TP63: variants seen among roughly 807,000 people sequenced by gnomAD.
TP63 encodes tumor protein p63, also known as tumor protein 63.
Under a neutral mutation model 82.8 loss-of-function variants are expected in TP63, and 17 were observed. The ratio of observed to expected loss-of-function variants is 0.21; its 90% CI spans 0.14 to 0.31. TP63 has a LOEUF of 0.31. Among genes scored for constraint, TP63 ranks in the 10% least tolerant of loss-of-function variants. TP63 has a pLI of 1.00. For missense variants in TP63, 648 were observed against 895.3 expected (o/e 0.72, Z 3.52); for synonymous variants, 330 against 321.7 (o/e 1.03, Z -0.28).
At chr3:189,643,473 A>G (rs1712113556) in intron 1 of TP63, among the ~76,000 whole-genome samples, 1 of 146,006 alleles carries the variant, frequency 6.8e-6, no homozygotes, top group Non-Finnish European at 1.5e-5. Context: ...AAAAACCCTC[A>G]ATGCTTTTGC....
intron 3 of TP63, among the ~76,000 whole-genome samples, chr3:189,743,869 C>T (rs1199771394): frequency 6.6e-6 from 1 of 152,136 alleles, no homozygotes; most frequent in South Asian, 2.1e-4. Context: ...ACATTACCAC[C>T]ACAGACTCCT....
chr3:189,789,354 C>CGTG (rs1228374601), intron 3 of TP63, among the ~76,000 whole-genome samples: 1 of 151,884 alleles, frequency 6.6e-6, no homozygotes, highest in Non-Finnish European at 1.5e-5. Context: ...TTCTGTAAAT[C>CGTG]GTGGTGGTGG....
Position 189,866,666 on chromosome 3 carries a change from G to A in TP63, c.767-16G>A. 6.2e-7 allele frequency: 1 copy of A among 1,608,968 alleles called. No homozygotes were observed. The highest frequency in any genetic ancestry group is 1.1e-5 in the South Asian group (1 of 90,916). On this transcript the variant is annotated splice_polypyrimidine_tract_variant and intron_variant, in intron 5 of 13. Transcript: ENST00000264731. ...AAGGTAAAGAACTAACTCTTTTATT[G>A]TTTTCTGCTCTGCAGGACAGATTGC...
intron 3 of TP63, among the ~76,000 whole-genome samples, chr3:189,774,527 G>A (rs933828282): frequency 2.0e-5 from 3 of 152,160 alleles, no homozygotes; most frequent in Non-Finnish European, 2.9e-5. Flanking sequence ...CTTGCAGTAA[G>A]TAGAACATAA....
In TP63 at chr3:189,889,363, C is replaced by A. The variant is rs148076109; in HGVS notation, c.1531C>A (p.Pro511Thr). 3.3e-3 allele frequency: 5,353 copies of A among 1,614,168 alleles called. 19 individuals are homozygous for A. Among genetic ancestry groups the A allele is most frequent in the Middle Eastern group, 0.02 (119 of 6,062 alleles). Reference protein sequence around the residue: ...ANIPMMGTHMPMAGDMNGLSP... With the variant: ...ANIPMMGTHMTMAGDMNGLSP... ...AGTTCCCATGATGGGCACCCACATG[C>A]CAATGGCTGGAGACATGAATGGACT... Residue 511 changes from proline to threonine, a missense_variant, in exon 12 of 14, where the codon CCA becomes ACA. Physicochemically the swap from Pro to Thr is conservative, Grantham distance 38 (BLOSUM62 -1). This residue lies in a region of TP63 where 342 missense variants were observed against 425.7 expected (regional missense o/e 0.80). Transcript: ENST00000264731.
chr3:189,827,688 T>C (rs1170700081), intron 4 of TP63, among the ~76,000 whole-genome samples: 1 of 152,150 alleles, frequency 6.6e-6, no homozygotes, highest in East Asian at 1.9e-4. Flanking sequence ...TTGGTATACC[T>C]GGACCATAGA....
chr3:189,840,351 C>G (rs931586321), intron 4 of TP63, among the ~76,000 whole-genome samples: 1 of 36,094 alleles, frequency 2.8e-5, no homozygotes, highest in African/African-American at 1.1e-4. Context: ...TTCTTTTTTG[C>G]TTTTCGTCTT....
rs527989944 is a variant in TP63 at position 189,795,707 on chromosome 3, T to TTG, written c.325-12564_325-12563dup. 2.8e-3 allele frequency among the ~76,000 whole-genome samples: 424 copies of TTG among 152,140 alleles called. 1 individual carries two copies. Among genetic ancestry groups the TTG allele is most frequent in the African/African-American group, 9.3e-3 (386 of 41,544 alleles). Reference sequence around the variant, plus strand: ...TTGTAGAAATAGCAACAAAAGTTAATTGGAATATTGATCTCACTAAGAGCG... The same window carrying TTG: ...TTGTAGAAATAGCAACAAAAGTTAATTGTGGAATATTGATCTCACTAAGAGCG... On this transcript the variant is annotated intron_variant, in intron 3 of 13. Transcript: ENST00000264731.
intron 1 of TP63, among the ~76,000 whole-genome samples, chr3:189,711,415 G>T (rs1219219240): frequency 1.3e-5 from 2 of 152,134 alleles, no homozygotes; most frequent in African/African-American, 4.8e-5. Flanking sequence ...GTAAGACAAG[G>T]CTGCTAATAC....
intron 4 of TP63, among the ~76,000 whole-genome samples, chr3:189,857,413 A>G (rs1716426783): frequency 6.6e-6 from 1 of 152,218 alleles, no homozygotes; most frequent in Admixed American, 6.5e-5. Flanking sequence ...AGCTAAGACA[A>G]TAAATCTACT....
At chr3:189,682,546 AAAAAAAAATATATATATATATATATAT>A (rs1261950814) in intron 1 of TP63, among the ~76,000 whole-genome samples, 4,890 of 37,794 alleles carry the variant, frequency 0.13, 396 homozygotes, top group African/African-American at 0.26. Context: ...GAAAAAAAAA[AAAAAAAAATATATATATATATATATAT>A]ATATATATAT....
At chr3:189,805,098 A>T (rs901669727) in intron 3 of TP63, among the ~76,000 whole-genome samples, 1 of 152,212 alleles carries the variant, frequency 6.6e-6, no homozygotes, top group African/African-American at 2.4e-5. Flanking sequence ...GACTTTTGAA[A>T]TACAGTTTCT....
intron 4 of TP63, among the ~76,000 whole-genome samples, chr3:189,841,601 C>T (rs927140144): frequency 2.0e-5 from 3 of 152,114 alleles, no homozygotes; most frequent in African/African-American, 7.2e-5. Flanking sequence ...GGAAAGAGAA[C>T]CAATATGTGT....
At chr3:189,857,782 C>T (rs1212869214) in intron 4 of TP63, among the ~76,000 whole-genome samples, 1 of 152,108 alleles carries the variant, frequency 6.6e-6, no homozygotes, top group African/African-American at 2.4e-5. Context: ...AAATGCAAAT[C>T]AAACTACAAT....
intron 1 of TP63, among the ~76,000 whole-genome samples, chr3:189,639,647 G>T (rs1577157645): frequency 6.6e-6 from 1 of 151,982 alleles, no homozygotes; most frequent in African/African-American, 2.4e-5. Context: ...ATTAACTCAG[G>T]CAGATTTTTC....
At chr3:189,716,083 G>T (rs1718936704) in intron 1 of TP63, among the ~76,000 whole-genome samples, 1 of 152,136 alleles carries the variant, frequency 6.6e-6, no homozygotes, top group South Asian at 2.1e-4. Flanking sequence ...CACATATGAG[G>T]AAACTGAGGC....
In TP63 at chr3:189,665,121, C is replaced by T. The variant is rs147145903; in HGVS notation, c.62+33544C>T. On this transcript the variant is annotated intron_variant, in intron 1 of 13. Coordinates refer to ENST00000264731, the MANE Select transcript of TP63 (RefSeq NM_003722.5). ...GTTCTCATTATTTTACACTTACTGCCTTTGCATGGTAAAACGACTCCTTAT... is the reference window on the plus strand; with the variant it reads ...GTTCTCATTATTTTACACTTACTGCTTTTGCATGGTAAAACGACTCCTTAT... 2.1e-4 allele frequency among the ~76,000 whole-genome samples: 32 copies of T among 152,222 alleles called. No individual in the cohort carries two copies. In the East Asian group the frequency reaches 6.2e-3, roughly 29 times the overall value.
chr3:189,807,158 A>G (rs957023616), intron 3 of TP63, among the ~76,000 whole-genome samples: 2 of 152,240 alleles, frequency 1.3e-5, no homozygotes, highest in Admixed American at 1.3e-4. Flanking sequence ...CAACTGTACC[A>G]TAAGCTGGTT....
chr3:189,672,657 G>T, intron 1 of TP63, among the ~76,000 whole-genome samples: 1 of 109,434 alleles, frequency 9.1e-6, no homozygotes, highest in African/African-American at 3.4e-5. Flanking sequence ...AGGGAGGAAG[G>T]AAGGAAAGAA....
Sources: gnomAD v4.1 joint callset for allele counts (sites outside exome capture counted in the v4.1 genomes callset) on GRCh38, gnomAD v4.1.1 for gene constraint, gnomAD v4.1.1 regional missense constraint, MANE v1.5 for transcripts, NCBI Gene and HGNC (gene_info 2026-07-23, HGNC 2026-07-21) for gene names.